Variants in SPATA17 observed in about 807,000 individuals in gnomAD.
SPATA17 encodes spermatogenesis associated 17.
Under a neutral mutation model 62.2 loss-of-function variants are expected in SPATA17, and 53 were observed. That is an observed-to-expected ratio of 0.85 (90% CI 0.68 to 1.07). The LOEUF is 1.07. SPATA17 is among the 50% of genes least tolerant of loss of function. SPATA17 has a pLI of 0.00. For synonymous variants in SPATA17, 146 were observed against 146.8 expected (o/e 0.99, Z 0.04); for missense variants, 466 against 425.5 (o/e 1.10, Z -0.84).
chr1:217,753,198 A>G (rs943615206), intron 6 of SPATA17, among the ~76,000 whole-genome samples: 42 of 152,198 alleles, frequency 2.8e-4, no homozygotes, highest in African/African-American at 9.6e-4. Flanking sequence ...GAAGGGGCCT[A>G]TGAAAGCAAG....
chr1:217,710,128 T>C (rs11117915), intron 5 of SPATA17, among the ~76,000 whole-genome samples: 19,531 of 152,196 alleles, frequency 0.13, 1,403 homozygotes, highest in Non-Finnish European at 0.16. Flanking sequence ...ATTTCATAGT[T>C]AATAGTAAAA....
chr1:217,846,213 G>A (rs564994001), intron 9 of SPATA17, among the ~76,000 whole-genome samples: 4 of 152,056 alleles, frequency 2.6e-5, no homozygotes, highest in South Asian at 4.1e-4. Context: ...CACCTATATC[G>A]TAATCTATAT....
intron 3 of SPATA17, among the ~76,000 whole-genome samples, chr1:217,654,540 G>T (rs1670393954): frequency 6.6e-6 from 1 of 151,908 alleles, no homozygotes; most frequent in Non-Finnish European, 1.5e-5. Context: ...ATAGTACAAA[G>T]AACTTCCATA....
intron 8 of SPATA17, among the ~76,000 whole-genome samples, chr1:217,794,115 CAA>C (rs376080845): frequency 2.4e-4 from 13 of 54,724 alleles, no homozygotes; most frequent in South Asian, 1.3e-3. Flanking sequence ...GACTCCGTCA[CAA>C]AAAAAAAAAA....
rs76341254 is a variant in SPATA17 at position 217,780,902 on chromosome 1, T to C, written c.724-1272T>C. Among the ~76,000 whole-genome samples the C allele has an allele frequency of 2.0e-3, 306 of 151,922 alleles. 2 individuals are homozygous for C. Among genetic ancestry groups the C allele is most frequent in the African/African-American group, 7.1e-3 (294 of 41,424 alleles). On this transcript the variant is annotated intron_variant, in intron 7 of 10. Transcript: ENST00000366933. ...CTTTGCTCCTTGTCATAAAACCAAA[T>C]ATTAATTTTTTAAGTCATAGACTCT...
At chr1:217,793,290 G>A (rs369776193) in intron 8 of SPATA17, among the ~76,000 whole-genome samples, 31 of 135,914 alleles carry the variant, frequency 2.3e-4, no homozygotes, top group African/African-American at 8.2e-4. Flanking sequence ...GCACGATCTC[G>A]GCTCACTGCA....
chr1:217,706,453 C>T (rs1444777649), intron 5 of SPATA17, among the ~76,000 whole-genome samples: 3 of 152,044 alleles, frequency 2.0e-5, no homozygotes, highest in Non-Finnish European at 4.4e-5. Flanking sequence ...TTCTGGGGGC[C>T]GTTCCCCCAT....
chr1:217,866,726 A>T (rs900890110), intron 10 of SPATA17: 2 of 152,118 alleles, frequency 1.3e-5, no homozygotes, highest in Non-Finnish European at 2.9e-5. Context: ...GAGAGCAGAG[A>T]ACAGGGCTAA....
At chr1:217,862,700 AAAT>A (rs1480790317) in intron 9 of SPATA17, 71 bp from the exon 10 acceptor site, 1 of 1,102,888 alleles carries the variant, frequency 9.1e-7, no homozygotes, top group Non-Finnish European at 1.3e-6. Flanking sequence ...AATTTAATCT[AAAT>A]AATAACAATA....
At chr1:217,822,538 A>C (rs1456803228) in intron 9 of SPATA17, among the ~76,000 whole-genome samples, 2 of 150,544 alleles carry the variant, frequency 1.3e-5, no homozygotes, top group African/African-American at 4.9e-5. Context: ...AACTGGAAAA[A>C]TCTTAGCCAC....
At chr1:217,798,547 G>A (rs12047387) in intron 8 of SPATA17, among the ~76,000 whole-genome samples, 27,660 of 152,072 alleles carry the variant, frequency 0.18, 3,305 homozygotes, top group East Asian at 0.49. Context: ...ACTTCTGTGG[G>A]CATCAAATGA....
At chr1:217,852,046 A>G (rs1279711178) in intron 9 of SPATA17, among the ~76,000 whole-genome samples, 1 of 152,136 alleles carries the variant, frequency 6.6e-6, no homozygotes, top group Non-Finnish European at 1.5e-5. Context: ...CAAAAAACTG[A>G]AGGGTGAACA....
chr1:217,637,800 A>G (rs901613191), intron 1 of SPATA17, among the ~76,000 whole-genome samples: 3 of 152,190 alleles, frequency 2.0e-5, no homozygotes, highest in Non-Finnish European at 4.4e-5. Flanking sequence ...AATAAAACTT[A>G]GCAAAACTTC....
At chr1:217,824,338 T>C (rs1674936887) in intron 9 of SPATA17, among the ~76,000 whole-genome samples, 1 of 151,908 alleles carries the variant, frequency 6.6e-6, no homozygotes, top group African/African-American at 2.4e-5. Context: ...TTCACAGTTT[T>C]GTATACTATA....
intron 3 of SPATA17, among the ~76,000 whole-genome samples, chr1:217,656,922 A>G (rs1030610212): frequency 2.0e-5 from 3 of 152,156 alleles, no homozygotes; most frequent in African/African-American, 7.2e-5. Context: ...AAATCCTTAT[A>G]TATTGAGCTG....
intron 8 of SPATA17, among the ~76,000 whole-genome samples, chr1:217,786,619 A>G (rs1673868836): frequency 6.6e-6 from 1 of 152,150 alleles, no homozygotes; most frequent in Admixed American, 6.5e-5. Flanking sequence ...TATAAAAAGA[A>G]TATAAATTTG....
At chr1:217,691,506 T>G (rs1671354387) in intron 5 of SPATA17, among the ~76,000 whole-genome samples, 2 of 84,508 alleles carry the variant, frequency 2.4e-5, no homozygotes, top group South Asian at 9.9e-4. Flanking sequence ...TAGATCCCAT[T>G]TGTCAATTTT....
chr1:217,822,947 A>G (rs1300536903), intron 9 of SPATA17, among the ~76,000 whole-genome samples: 3 of 151,854 alleles, frequency 2.0e-5, no homozygotes. Flanking sequence ...TTATTTATCT[A>G]ATTTTAAAGT....
At chr1:217,724,698 G>A (rs1303239964) in intron 5 of SPATA17, among the ~76,000 whole-genome samples, 7 of 152,090 alleles carry the variant, frequency 4.6e-5, no homozygotes, top group African/African-American at 1.7e-4. Flanking sequence ...TTATACTTTT[G>A]TTAATAATTT....
Sources: gnomAD v4.1 joint callset for allele counts (sites outside exome capture counted in the v4.1 genomes callset) on GRCh38, gnomAD v4.1.1 for gene constraint, MANE v1.5 for transcripts, NCBI Gene and HGNC (gene_info 2026-07-23, HGNC 2026-07-21) for gene names.